WDR64: variants seen among roughly 807,000 people sequenced by gnomAD.
WDR64 encodes the protein WD repeat domain 64, also known as WD repeat-containing protein 64.
WDR64 carries 112 observed loss-of-function variants against 139.3 expected under a neutral mutation model. The observed-to-expected ratio is 0.80, with a 90% CI of 0.69 to 0.94. The LOEUF is 0.94. Ranked by LOEUF, WDR64 falls within the 40% of genes least tolerant of loss-of-function variation. WDR64 has a pLI of 0.00. For missense variants in WDR64, 1,206 were observed against 1,293.1 expected (o/e 0.93, Z 1.03); for synonymous variants, 444 against 437.7 (o/e 1.01, Z -0.18).
intron 10 of WDR64, among the ~76,000 whole-genome samples, chr1:241,730,477 A>G (rs973565505): frequency 4.6e-5 from 7 of 152,132 alleles, no homozygotes; most frequent in Non-Finnish European, 8.8e-5. Flanking sequence ...TTTATCCTCT[A>G]GACTTTCTCT....
intron 9 of WDR64, among the ~76,000 whole-genome samples, chr1:241,718,558 T>G (rs532986523): frequency 1.3e-5 from 2 of 152,246 alleles, no homozygotes; most frequent in Non-Finnish European, 2.9e-5. Flanking sequence ...AAGAGATTTT[T>G]CTCTCTTGCT....
At chr1:241,771,455 T>C (rs12091522) in intron 18 of WDR64, among the ~76,000 whole-genome samples, 26,994 of 152,076 alleles carry the variant, frequency 0.18, 2,825 homozygotes, top group African/African-American at 0.27. Context: ...GTACCTCAAC[T>C]GCTAGAAGAA....
intron 27 of WDR64, 140 bp from the exon 28 acceptor site, chr1:241,800,992 G>T: frequency 1.5e-6 from 1 of 647,942 alleles, no homozygotes; most frequent in Non-Finnish European, 2.7e-6. Context: ...AGTCACATAG[G>T]ATTGTTAAGT....
At position 241,796,370 on chromosome 1, in the gene WDR64, AG is replaced by A. The variant is rs759049851; in HGVS notation, c.3192+1del. ...AGGGAGGTCATGTTCAACGTGAAAA[AG>A]TAAGTTAGTACTAATTCCACCGTTA... On this transcript the variant is annotated splice_donor_variant, in intron 27 of 27. Coordinates refer to ENST00000437684, the MANE Select transcript of WDR64 (RefSeq NM_001367482.1). LOFTEE classifies it high-confidence loss of function. 1.2e-6 allele frequency: 2 copies of A among 1,600,366 alleles called. No individual in the cohort carries two copies. The highest frequency in any genetic ancestry group is 2.7e-5 in the African/African-American group (2 of 74,574).
At chr1:241,798,312 A>G (rs1341406694) in intron 27 of WDR64, among the ~76,000 whole-genome samples, 2 of 152,192 alleles carry the variant, frequency 1.3e-5, no homozygotes, top group South Asian at 2.1e-4. Context: ...AAATCCTCAC[A>G]TAAAACTCTC....
intron 8 of WDR64, among the ~76,000 whole-genome samples, chr1:241,689,875 A>T (rs1574010840): frequency 6.6e-6 from 1 of 152,192 alleles, no homozygotes; most frequent in Admixed American, 6.5e-5. Flanking sequence ...TTTATAGAAG[A>T]TTCAAAAACA....
At chr1:241,665,209 T>C (rs947266365) in intron 2 of WDR64, among the ~76,000 whole-genome samples, 28 of 151,200 alleles carry the variant, frequency 1.9e-4, no homozygotes, top group Admixed American at 1.7e-3. Context: ...ACTTGAGATT[T>C]AAAAAAAAAT....
At chr1:241,653,220 T>G (rs1232669544) in intron 1 of WDR64, among the ~76,000 whole-genome samples, 1 of 152,172 alleles carries the variant, frequency 6.6e-6, no homozygotes, top group Admixed American at 6.5e-5. Context: ...TTTGGCGTAT[T>G]GAGGACAGCT....
chr1:241,751,788 C>T (rs766612620), intron 14 of WDR64, among the ~76,000 whole-genome samples: 4 of 152,212 alleles, frequency 2.6e-5, no homozygotes, highest in East Asian at 3.9e-4. Flanking sequence ...GAGGGCAGAC[C>T]GTAAATTGAC....
intron 24 of WDR64, among the ~76,000 whole-genome samples, chr1:241,789,477 T>C (rs995046878): frequency 2.0e-5 from 3 of 152,196 alleles, no homozygotes; most frequent in Non-Finnish European, 4.4e-5. Context: ...GGAATCAACC[T>C]AGGTATGCAT....
chr1:241,682,945 T>A (rs555871157), intron 6 of WDR64, among the ~76,000 whole-genome samples: 1 of 152,336 alleles, frequency 6.6e-6, no homozygotes, highest in South Asian at 2.1e-4. Flanking sequence ...GTTTGTTGAC[T>A]GAACAAATTT....
Position 241,679,515 on chromosome 1 carries a change from C to G in WDR64, c.544C>G (p.Leu182Val). The change falls in exon 6 of 28, where the codon CTC becomes GTC. Residue 182 changes from leucine to valine, a missense_variant. Physicochemically the swap from Leu to Val is conservative, Grantham distance 32 (BLOSUM62 1). Coordinates refer to ENST00000437684, the MANE Select transcript of WDR64 (RefSeq NM_001367482.1). ...DTSWITGCDY[L>V]LQLKRIVATT... ...CTCCTGGATTACAGGGTGTGATTAC[C>G]TCTTGCAGCTGAAACGAATCGTAGC... The G allele has an allele frequency of 6.4e-7, 1 of 1,551,788 alleles. No homozygotes were observed. Among genetic ancestry groups the G allele is most frequent in the Non-Finnish European group, 8.7e-7 (1 of 1,146,928 alleles).
At chr1:241,746,627 CAGTGGAATACTGT>C (rs1400390890) in intron 13 of WDR64, among the ~76,000 whole-genome samples, 4 of 151,538 alleles carry the variant, frequency 2.6e-5, no homozygotes, top group Admixed American at 6.6e-5. Flanking sequence ...TAGAACAATA[CAGTGGAATACTGT>C]AGTTATTACA....
chr1:241,746,554 GATA>G (rs1669763169), intron 13 of WDR64, among the ~76,000 whole-genome samples: 1 of 148,952 alleles, frequency 6.7e-6, no homozygotes, highest in East Asian at 1.9e-4. Context: ...CAGATTTATT[GATA>G]ATAACCAAAA....
In WDR64 at chr1:241,703,720, T is replaced by A. The variant is rs6684478; in HGVS notation, c.975-8082T>A. 1.3e-5 allele frequency among the ~76,000 whole-genome samples: 2 copies of A among 152,062 alleles called. No individual in the cohort carries two copies. Among genetic ancestry groups the A allele is most frequent in the Non-Finnish European group, 2.9e-5 (2 of 67,996 alleles). The stretch of plus-strand genomic sequence containing the variant: ...CATTTTCACACTGCTATAAAGATAC[T>A]ATCTGAGACTCAATAATTTGTAAAG... On this transcript the variant is annotated intron_variant, in intron 8 of 27. Coordinates refer to ENST00000437684, the MANE Select transcript of WDR64 (RefSeq NM_001367482.1). The surrounding 1 kb of genome is among the most constrained non-coding windows in gnomAD (Gnocchi z 5.9).
intron 2 of WDR64, among the ~76,000 whole-genome samples, chr1:241,670,442 G>T (rs1392745958): frequency 6.6e-6 from 1 of 151,798 alleles, no homozygotes; most frequent in East Asian, 1.9e-4. Context: ...CTTAGCTGGG[G>T]CCCTGCATGA....
At chr1:241,740,555 C>T (rs184951657) in intron 11 of WDR64, among the ~76,000 whole-genome samples, 2 of 152,186 alleles carry the variant, frequency 1.3e-5, no homozygotes, top group African/African-American at 4.8e-5. Flanking sequence ...ACTTGAGAAA[C>T]TCAATGCAAA....
At chr1:241,786,332 G>C (rs554807492) in intron 23 of WDR64, among the ~76,000 whole-genome samples, 1 of 152,142 alleles carries the variant, frequency 6.6e-6, no homozygotes. Flanking sequence ...CATTGCTGCA[G>C]GGCTCATGAT....
rs1046322129 is a variant in WDR64 at position 241,703,870 on chromosome 1, G to A, written c.975-7932G>A. Among the ~76,000 whole-genome samples the A allele has an allele frequency of 6.6e-6, 1 of 152,136 alleles. No homozygotes were observed. The highest frequency in any genetic ancestry group is 1.5e-5 in the Non-Finnish European group (1 of 68,024). ...ATGATGGCAGGAGAGAGAAAAGTGA[G>A]CAAAAGAGGAACTTGCCAAACACTT... is the stretch of plus-strand genomic sequence containing the variant. On this transcript the variant is annotated intron_variant, in intron 8 of 27. Coordinates refer to ENST00000437684, the MANE Select transcript of WDR64 (RefSeq NM_001367482.1). The surrounding 1 kb of genome is among the most constrained non-coding windows in gnomAD (Gnocchi z 5.9).
Sources: gnomAD v4.1 joint callset for allele counts (sites outside exome capture counted in the v4.1 genomes callset) on GRCh38, gnomAD v4.1.1 for gene constraint, Gnocchi (gnomAD v3.1) non-coding constraint, MANE v1.5 for transcripts, NCBI Gene and HGNC (gene_info 2026-07-23, HGNC 2026-07-21) for gene names.